Variants in CHN2 observed in about 807,000 individuals in gnomAD.
CHN2 encodes beta-chimaerin.
Under a neutral mutation model 56.3 loss-of-function variants are expected in CHN2, and 35 were observed. That is an observed-to-expected ratio of 0.62 (90% CI 0.47 to 0.82). The LOEUF (loss-of-function observed/expected upper bound fraction) is 0.82, where lower values mean the gene tolerates loss of function less well. Ranked by LOEUF, CHN2 falls within the 40% of genes least tolerant of loss-of-function variation. The pLI is 0.00. For missense variants in CHN2, 491 were observed against 580.5 expected, an observed-to-expected ratio of 0.85 and a Z score of 1.58; for synonymous variants, 210 against 212.8, an observed-to-expected ratio of 0.99 and a Z score of 0.12.
At chr7:29,214,376 C>T (rs995949383) in intron 1 of CHN2, among the ~76,000 whole-genome samples, 2 of 152,154 alleles carry the variant, frequency 1.3e-5, no homozygotes. Flanking sequence ...CCGTCATTCC[C>T]TTTTATCCAT....
At chr7:29,323,150 TC>T (rs369063531) in intron 1 of CHN2, among the ~76,000 whole-genome samples, 4 of 143,170 alleles carry the variant, frequency 2.8e-5, no homozygotes, top group Non-Finnish European at 6.1e-5. Context: ...TGAGAATCCG[TC>T]CCCCCCGTTC....
In CHN2 at chr7:29,219,049, C is replaced by T. The variant is rs144234828; in HGVS notation, c.49+24059C>T. 1.9e-4 allele frequency among the ~76,000 whole-genome samples: 29 copies of T among 152,232 alleles called. 1 individual carries two copies. The highest frequency in any genetic ancestry group is 3.4e-3 in the Middle Eastern group (1 of 294). On this transcript the variant is annotated intron_variant, in intron 1 of 12. Transcript: ENST00000222792. ...TGTTTTAAATGTGGGCAGGCTCTGTCGGAGACTGATGCAGTGCGTATTATA... is the reference window on the plus strand; with the variant it reads ...TGTTTTAAATGTGGGCAGGCTCTGTTGGAGACTGATGCAGTGCGTATTATA...
chr7:29,230,519 T>G (rs1469003227), intron 1 of CHN2, among the ~76,000 whole-genome samples: 1 of 152,152 alleles, frequency 6.6e-6, no homozygotes, highest in Non-Finnish European at 1.5e-5. Context: ...TTTTGTACTT[T>G]TAGTAGAGAC....
At chr7:29,173,790 A>T (rs1274611165) in intron 2 of CHN2, among the ~76,000 whole-genome samples, 1 of 151,608 alleles carries the variant, frequency 6.6e-6, no homozygotes, top group Non-Finnish European at 1.5e-5. Flanking sequence ...AAAAAAAAAA[A>T]ATTAGTCGAG....
intron 1 of CHN2, among the ~76,000 whole-genome samples, chr7:29,250,644 T>C (rs1490423997): frequency 2.0e-5 from 3 of 152,210 alleles, no homozygotes; most frequent in African/African-American, 7.2e-5. Context: ...CTTGTTGATG[T>C]GTAATAATGT....
chr7:29,493,247 G>C (rs1788853732), intron 7 of CHN2, among the ~76,000 whole-genome samples: 1 of 152,046 alleles, frequency 6.6e-6, no homozygotes, highest in African/African-American at 2.4e-5. Context: ...AGGAGCAATA[G>C]GCTATACCAT....
intron 1 of CHN2, among the ~76,000 whole-genome samples, chr7:29,221,713 T>C (rs1043935537): frequency 1.3e-5 from 2 of 152,220 alleles, no homozygotes; most frequent in Non-Finnish European, 2.9e-5. Flanking sequence ...CATGGGATGT[T>C]TGGTTTTCTG....
At position 29,426,206 on chromosome 7, in the gene CHN2, C is replaced by CAAAAAAAAAA. The variant is rs10630481; in HGVS notation, c.576+25391_576+25400dup. ...CCTGGGTGATAGCGAGACTCTGTCTCAAAAAAAAAAAAAAAAAAAAAAGAG... is the reference window on the plus strand; with the variant it reads ...CCTGGGTGATAGCGAGACTCTGTCTCAAAAAAAAAAAAAAAAAAAAAAAAAAAAAAAAGAG... On this transcript the variant is annotated intron_variant, in intron 6 of 12. Coordinates refer to ENST00000222792, the MANE Select transcript of CHN2 (RefSeq NM_004067.4). 6.0e-5 allele frequency among the ~76,000 whole-genome samples: 5 copies of CAAAAAAAAAA among 83,900 alleles called. 2 individuals carry two copies. Among genetic ancestry groups the CAAAAAAAAAA allele is most frequent in the Admixed American group, 1.7e-4 (1 of 5,856 alleles). 55.0% of individuals were successfully genotyped at this position (83,900 alleles called of 152,430 possible). A position where few individuals can be genotyped will look rare whatever the true frequency, so the allele number is the denominator to read the frequency against.
At chr7:29,302,872 T>C (rs1387601848) in intron 1 of CHN2, among the ~76,000 whole-genome samples, 1 of 152,238 alleles carries the variant, frequency 6.6e-6, no homozygotes, top group African/African-American at 2.4e-5. Context: ...GCTTGGCTTA[T>C]TTCATTTGGC....
At chr7:29,414,692 G>T (rs117686825) in intron 6 of CHN2, among the ~76,000 whole-genome samples, 1 of 152,038 alleles carries the variant, frequency 6.6e-6, no homozygotes, top group Admixed American at 6.5e-5. Context: ...TGCACACGTC[G>T]CTTCACCTCA....
At chr7:29,223,113 T>C (rs1039061845) in intron 1 of CHN2, among the ~76,000 whole-genome samples, 8 of 152,164 alleles carry the variant, frequency 5.3e-5, no homozygotes, top group Non-Finnish European at 1.2e-4. Context: ...TGCTCAACAC[T>C]ATTAGTCATG....
chr7:29,305,754 T>G (rs1454192279), intron 1 of CHN2, among the ~76,000 whole-genome samples: 1 of 152,098 alleles, frequency 6.6e-6, no homozygotes, highest in East Asian at 1.9e-4. Flanking sequence ...ATTTCATATG[T>G]AAATCTTTCT....
intron 6 of CHN2, among the ~76,000 whole-genome samples, chr7:29,474,903 G>T (rs1250753373): frequency 6.6e-6 from 1 of 152,208 alleles, no homozygotes; most frequent in Non-Finnish European, 1.5e-5. Context: ...ACTGAAGCCA[G>T]GTGGAGGAGG....
At chr7:29,167,400 C>T (rs1432935231) in intron 2 of CHN2, among the ~76,000 whole-genome samples, 3 of 152,124 alleles carry the variant, frequency 2.0e-5, no homozygotes, top group East Asian at 3.8e-4. Context: ...CCACTATCTG[C>T]GGACATGAGA....
intron 1 of CHN2, among the ~76,000 whole-genome samples, chr7:29,224,131 T>C (rs866026208): frequency 3.8e-4 from 58 of 152,196 alleles, no homozygotes; most frequent in African/African-American, 1.3e-3. Context: ...GTTCTAAAAT[T>C]GGAACATTCT....
chr7:29,322,029 A>G (rs1193128263), intron 1 of CHN2, among the ~76,000 whole-genome samples: 1 of 152,176 alleles, frequency 6.6e-6, no homozygotes, highest in African/African-American at 2.4e-5. Context: ...GCCCTTGGAT[A>G]TTTTCATGTG....
chr7:29,284,258 G>T (rs762983635), intron 1 of CHN2, among the ~76,000 whole-genome samples: 6 of 151,916 alleles, frequency 3.9e-5, no homozygotes, highest in Non-Finnish European at 5.9e-5. Context: ...ACCATGCTTG[G>T]ATAATTTTTG....
At chr7:29,233,526 A>G (rs553569050) in intron 1 of CHN2, among the ~76,000 whole-genome samples, 1 of 152,258 alleles carries the variant, frequency 6.6e-6, no homozygotes, top group African/African-American at 2.4e-5. Flanking sequence ...GCTAGTGGGA[A>G]TTAAGGTTGG....
At chr7:29,490,501 A>G (rs1259951898) in intron 7 of CHN2, among the ~76,000 whole-genome samples, 1 of 152,192 alleles carries the variant, frequency 6.6e-6, no homozygotes, top group African/African-American at 2.4e-5. Flanking sequence ...TTGTATATCC[A>G]AGGACTAGTA....
Sources: gnomAD v4.1 joint callset for allele counts (sites outside exome capture counted in the v4.1 genomes callset) on GRCh38, gnomAD v4.1.1 for gene constraint, MANE v1.5 for transcripts, NCBI Gene and HGNC (gene_info 2026-07-23, HGNC 2026-07-21) for gene names.